Variants in EPHA6 observed in about 807,000 individuals in gnomAD.
EPHA6 encodes ephrin type-A receptor 6.
In EPHA6, 50 loss-of-function variants were observed where a neutral mutation model predicts 112.0. The observed-to-expected ratio is 0.45, with a 90% CI of 0.36 to 0.56. The LOEUF (loss-of-function observed/expected upper bound fraction) is 0.56. Ranked by LOEUF, EPHA6 falls within the 20% of genes least tolerant of loss-of-function variation. EPHA6 has a pLI of 0.00. For synonymous variants in EPHA6, 529 were observed against 490.7 expected, an observed-to-expected ratio of 1.08 and a Z score of -1.03; for missense variants, 1,280 against 1,417.4, an observed-to-expected ratio of 0.90 and a Z score of 1.56.
intron 3 of EPHA6, among the ~76,000 whole-genome samples, chr3:97,221,186 G>GC (rs1264902747): frequency 6.6e-6 from 1 of 151,504 alleles, no homozygotes; most frequent in Non-Finnish European, 1.5e-5. Flanking sequence ...GGTGGTGCAT[G>GC]CCTGAGAACC....
intron 3 of EPHA6, among the ~76,000 whole-genome samples, chr3:97,079,606 T>TAAAAAAAA (rs71113851): frequency 7.1e-5 from 8 of 113,266 alleles, no homozygotes; most frequent in African/African-American, 1.4e-4. Flanking sequence ...AAATTAAAAG[T>TAAAAAAAA]AAAAAAAAAA....
At chr3:96,902,435 A>G (rs1273193185) in intron 2 of EPHA6, among the ~76,000 whole-genome samples, 1 of 152,148 alleles carries the variant, frequency 6.6e-6, no homozygotes. Context: ...GCAAAAGGGA[A>G]AGCAGTGACC....
chr3:97,263,216 AAAG>A (rs763738430), intron 5 of EPHA6, among the ~76,000 whole-genome samples: 22 of 152,182 alleles, frequency 1.4e-4, no homozygotes, highest in Non-Finnish European at 1.2e-4. Context: ...AAATTATTTT[AAAG>A]AAGAAGTGTT....
intron 3 of EPHA6, among the ~76,000 whole-genome samples, chr3:97,190,340 T>G (rs2077268159): frequency 6.6e-6 from 1 of 152,132 alleles, no homozygotes; most frequent in African/African-American, 2.4e-5. Context: ...GGACAATTAG[T>G]GTCCCTTAGG....
chr3:97,691,186 G>A (rs2032642180), intron 14 of EPHA6, among the ~76,000 whole-genome samples: 1 of 152,130 alleles, frequency 6.6e-6, no homozygotes, highest in Non-Finnish European at 1.5e-5. Context: ...ACCATTTGTT[G>A]AAAGACTATA....
rs1004071188 is a variant in EPHA6 at position 97,448,610 on chromosome 3, C to T, written c.1774C>T (p.Pro592Ser). Residue 592 changes from proline (P) to serine (S), a missense_variant, in exon 7 of 18, where the codon CCC becomes TCC. Transcript: ENST00000389672. The stretch of plus-strand genomic sequence containing the variant: ...CTACTCTTCCACAAGGTCCAAAGCC[C>T]CCAGTGTCATCATCACAGGTCTTAA... Reference protein sequence around the residue: ...LTYSSTRSKAPSVIITGLKPA... With the variant: ...LTYSSTRSKASSVIITGLKPA... The T allele has an allele frequency of 1.2e-6, 2 of 1,613,366 alleles. No individual in the cohort carries two copies. The highest frequency in any genetic ancestry group is 1.7e-6 in the Non-Finnish European group (2 of 1,179,570).
intron 5 of EPHA6, among the ~76,000 whole-genome samples, chr3:97,380,538 G>T (rs562066257): frequency 3.5e-4 from 54 of 152,258 alleles, no homozygotes; most frequent in African/African-American, 1.2e-3. Flanking sequence ...AGACTTTCTT[G>T]TCCAGACAAG....
intron 2 of EPHA6, among the ~76,000 whole-genome samples, chr3:96,883,503 G>A (rs1314076641): frequency 6.6e-6 from 1 of 152,156 alleles, no homozygotes; most frequent in African/African-American, 2.4e-5. Context: ...CCAATGTCTA[G>A]AAGGGTTTTT....
intron 3 of EPHA6, among the ~76,000 whole-genome samples, chr3:97,077,564 C>T (rs1368606447): frequency 6.7e-6 from 1 of 148,350 alleles, no homozygotes; most frequent in Admixed American, 6.8e-5. Context: ...CCCTGACAGG[C>T]CCCAGTGTGT....
At chr3:97,677,133 T>C (rs1469577677) in intron 14 of EPHA6, among the ~76,000 whole-genome samples, 2 of 152,200 alleles carry the variant, frequency 1.3e-5, no homozygotes, top group Non-Finnish European at 2.9e-5. Context: ...AGTGTGTAAC[T>C]CTGGTTTTTT....
chr3:97,256,304 A>C (rs141237250), intron 5 of EPHA6, among the ~76,000 whole-genome samples: 1 of 152,012 alleles, frequency 6.6e-6, no homozygotes, highest in African/African-American at 2.4e-5. Context: ...ATCTGCCTTC[A>C]TGTGACTTTT....
intron 5 of EPHA6, among the ~76,000 whole-genome samples, chr3:97,366,151 C>A (rs770114340): frequency 2.0e-5 from 3 of 152,280 alleles, no homozygotes; most frequent in Non-Finnish European, 2.9e-5. Context: ...GTCTTTCTAA[C>A]TAAAGAAACC....
intron 5 of EPHA6, among the ~76,000 whole-genome samples, chr3:97,334,531 G>A (rs1334553334): frequency 6.7e-6 from 1 of 148,608 alleles, no homozygotes; most frequent in Non-Finnish European, 1.5e-5. Flanking sequence ...CCAGGCTGGG[G>A]TGAAATGGCA....
intron 3 of EPHA6, among the ~76,000 whole-genome samples, chr3:97,159,725 C>G (rs918931964): frequency 7.9e-5 from 12 of 152,010 alleles, no homozygotes; most frequent in African/African-American, 2.7e-4. Context: ...AGTGAATTTC[C>G]TGAGCATAGA....
At chr3:97,266,382 G>A (rs2079684725) in intron 5 of EPHA6, among the ~76,000 whole-genome samples, 1 of 152,058 alleles carries the variant, frequency 6.6e-6, no homozygotes, top group South Asian at 2.1e-4. Flanking sequence ...TTTAGGATGA[G>A]CAATACAAAA....
intron 2 of EPHA6, among the ~76,000 whole-genome samples, chr3:96,897,546 T>C (rs2038347647): frequency 6.6e-6 from 1 of 152,202 alleles, no homozygotes; most frequent in Non-Finnish European, 1.5e-5. Flanking sequence ...AGAAATGCAG[T>C]CTTCATTTAA....
At chr3:97,325,201 G>A (rs2082358939) in intron 5 of EPHA6, among the ~76,000 whole-genome samples, 1 of 152,078 alleles carries the variant, frequency 6.6e-6, no homozygotes, top group Non-Finnish European at 1.5e-5. Flanking sequence ...TACTTTGCTA[G>A]GGTTGCCGTA....
At chr3:97,037,034 G>A (rs2045125965) in intron 3 of EPHA6, among the ~76,000 whole-genome samples, 1 of 151,954 alleles carries the variant, frequency 6.6e-6, no homozygotes, top group South Asian at 2.1e-4. Context: ...TACTAATGAG[G>A]CAAAATGTTT....
intron 13 of EPHA6, among the ~76,000 whole-genome samples, chr3:97,634,698 G>A (rs2093931415): frequency 6.6e-6 from 1 of 152,034 alleles, no homozygotes. Context: ...GATTGAGGTA[G>A]GACAGGGGCC....
Sources: allele counts gnomAD v4.1 joint callset (sites outside exome capture counted in the v4.1 genomes callset), GRCh38; gene constraint gnomAD v4.1.1; transcripts MANE v1.5; gene names NCBI Gene and HGNC (gene_info 2026-07-23, HGNC 2026-07-21).